Variants in EXOC4 observed in about 807,000 individuals in gnomAD.
EXOC4 encodes the protein SEC8-like 1.
A neutral mutation model predicts 107.2 loss-of-function variants in EXOC4; 71 were observed. The observed-to-expected ratio is 0.66, with a 90% confidence interval of 0.55 to 0.81. The LOEUF (loss-of-function observed/expected upper bound fraction) is 0.81. EXOC4 is among the 30% of genes least tolerant of loss of function. The pLI, the probability that EXOC4 is intolerant of heterozygous loss-of-function variation, is 0.00. For missense variants in EXOC4, 1,108 were observed against 1,189.6 expected, an observed-to-expected ratio of 0.93 and a Z score of 1.01; for synonymous variants, 456 against 441.2, an observed-to-expected ratio of 1.03 and a Z score of -0.42.
intron 10 of EXOC4, among the ~76,000 whole-genome samples, chr7:133,811,800 T>C (rs1317496145): frequency 6.6e-6 from 1 of 152,230 alleles, no homozygotes; most frequent in Admixed American, 6.5e-5. Flanking sequence ...AAAAATTTTG[T>C]ATTGAAATCT....
At chr7:133,745,728 T>C (rs1425058957) in intron 10 of EXOC4, among the ~76,000 whole-genome samples, 46 of 150,744 alleles carry the variant, frequency 3.1e-4, no homozygotes, top group Non-Finnish European at 3.8e-4. Context: ...TTTTTTTTTT[T>C]TCCTGTTTGG....
chr7:133,517,938 T>G (rs947454217), intron 9 of EXOC4, among the ~76,000 whole-genome samples: 1 of 152,088 alleles, frequency 6.6e-6, no homozygotes, highest in African/African-American at 2.4e-5. Flanking sequence ...CAAACATTTT[T>G]ATTGTTCATT....
chr7:133,879,135 G>A (rs762477050), intron 11 of EXOC4, among the ~76,000 whole-genome samples: 12 of 152,134 alleles, frequency 7.9e-5, no homozygotes, highest in Middle Eastern at 3.4e-3. Context: ...ACAGAGTGTC[G>A]CTCTGTCGCC....
chr7:133,342,894 G>T (rs569564450), intron 5 of EXOC4, among the ~76,000 whole-genome samples: 23 of 151,958 alleles, frequency 1.5e-4, no homozygotes, highest in African/African-American at 5.3e-4. Flanking sequence ...TTTATTTGTG[G>T]TATCTATTTC....
chr7:133,908,810 A>T (rs1278543691), intron 12 of EXOC4, among the ~76,000 whole-genome samples: 1 of 152,190 alleles, frequency 6.6e-6, no homozygotes, highest in Non-Finnish European at 1.5e-5. Context: ...TTGATATTCA[A>T]TAAGAAGACA....
Position 133,423,225 on chromosome 7 carries a change from C to CAAAAAAAAAAA in EXOC4, c.1182+48223_1182+48224insAAAAAAAAAAA, listed in dbSNP as rs1797642571. Among the ~76,000 whole-genome samples the CAAAAAAAAAAA allele has an allele frequency of 4.9e-4, 6 of 12,156 alleles. 2 individuals carry two copies. The highest frequency in any genetic ancestry group is 4.7e-3 in the African/African-American group (6 of 1,284). The allele number at this position is 12,156 out of a possible 152,430, so 8.0% of individuals were successfully genotyped here. Reference sequence around the variant, plus strand: ...TGGGCGACAGAGCGAGACTCCGTCTCCAAAAAAAAAAAAAAAAAAAAAAAA... The same window carrying CAAAAAAAAAAA: ...TGGGCGACAGAGCGAGACTCCGTCTCAAAAAAAAAAACAAAAAAAAAAAAAAAAAAAAAAAA... On this transcript the variant is annotated intron_variant, in intron 7 of 17. Transcript: ENST00000253861.
chr7:133,295,141 G>A (rs1794490328), intron 3 of EXOC4, among the ~76,000 whole-genome samples: 1 of 152,086 alleles, frequency 6.6e-6, no homozygotes, highest in Admixed American at 6.6e-5. Flanking sequence ...TGCCTTTGAG[G>A]TGGACTTCTT....
chr7:133,909,215 C>T (rs1448774183), intron 12 of EXOC4, among the ~76,000 whole-genome samples: 1 of 152,186 alleles, frequency 6.6e-6, no homozygotes, highest in South Asian at 2.1e-4. Flanking sequence ...TAGGAGCCAG[C>T]GTTATTCTAG....
chr7:133,553,671 G>C (rs1800634261), intron 9 of EXOC4, among the ~76,000 whole-genome samples: 1 of 151,956 alleles, frequency 6.6e-6, no homozygotes, highest in Non-Finnish European at 1.5e-5. Flanking sequence ...CTTTTGCCAG[G>C]CCTGATGTTT....
chr7:133,385,842 G>T (rs768278947), intron 7 of EXOC4, among the ~76,000 whole-genome samples: 1 of 152,108 alleles, frequency 6.6e-6, no homozygotes, highest in Admixed American at 6.5e-5. Context: ...TTGAGAATCC[G>T]TGATAACTTT....
intron 12 of EXOC4, among the ~76,000 whole-genome samples, chr7:133,910,786 T>G (rs1257507306): frequency 1.3e-5 from 2 of 152,210 alleles, no homozygotes; most frequent in African/African-American, 4.8e-5. Context: ...TTTGTTGAGC[T>G]TGGCTCCTAG....
intron 7 of EXOC4, among the ~76,000 whole-genome samples, chr7:133,380,559 T>C (rs554817795): frequency 6.6e-6 from 1 of 152,216 alleles, no homozygotes; most frequent in African/African-American, 2.4e-5. Flanking sequence ...TAGGTACTGA[T>C]CTACTTTTTG....
rs370376589 is a variant in EXOC4 at position 133,938,470 on chromosome 7, C to T, written c.2206+401C>T. Among the ~76,000 whole-genome samples the T allele has an allele frequency of 4.6e-5, 7 of 152,188 alleles. No individual in the cohort carries two copies. In the East Asian group the frequency reaches 1.2e-3, roughly 25 times the overall value. ...ATGCACAGCTGACATTCTCATTTTA[C>T]TTGACATAAAGCTAATCTTTTTATT... On this transcript the variant is annotated intron_variant, in intron 14 of 17. Coordinates refer to ENST00000253861, the MANE Select transcript of EXOC4 (RefSeq NM_021807.4).
At chr7:133,858,237 G>A (rs1395092552) in intron 11 of EXOC4, among the ~76,000 whole-genome samples, 1 of 152,188 alleles carries the variant, frequency 6.6e-6, no homozygotes, top group Non-Finnish European at 1.5e-5. Context: ...AGCAAGGCAG[G>A]GAAGAGTTTT....
At chr7:133,818,669 G>A (rs141140581) in intron 11 of EXOC4, among the ~76,000 whole-genome samples, 7 of 152,290 alleles carry the variant, frequency 4.6e-5, no homozygotes, top group South Asian at 2.1e-4. Context: ...CCAAAGGAAC[G>A]TGCTTGCTCT....
At chr7:134,034,518 G>A (rs200729587) in intron 17 of EXOC4, among the ~76,000 whole-genome samples, 5 of 152,156 alleles carry the variant, frequency 3.3e-5, no homozygotes, top group East Asian at 1.9e-4. Flanking sequence ...TGTTTTTCTC[G>A]TGATAGTGAG....
intron 14 of EXOC4, among the ~76,000 whole-genome samples, chr7:133,965,737 A>G (rs1445032533): frequency 2.0e-5 from 3 of 152,108 alleles, no homozygotes; most frequent in Non-Finnish European, 2.9e-5. Context: ...GCCTTGTAGT[A>G]TAGTTTGAAG....
intron 7 of EXOC4, among the ~76,000 whole-genome samples, chr7:133,375,804 A>G (rs1208044818): frequency 6.6e-6 from 1 of 152,152 alleles, no homozygotes. Flanking sequence ...TAGAGGAATA[A>G]TATTATTCTT....
intron 3 of EXOC4, among the ~76,000 whole-genome samples, chr7:133,303,185 A>G (rs1276753627): frequency 2.6e-5 from 4 of 152,234 alleles, no homozygotes; most frequent in African/African-American, 9.6e-5. Context: ...CTGTAATCCC[A>G]GCACTTTGAG....
Sources: gnomAD v4.1 joint callset for allele counts (sites outside exome capture counted in the v4.1 genomes callset) on GRCh38, gnomAD v4.1.1 for gene constraint, MANE v1.5 for transcripts, NCBI Gene and HGNC (gene_info 2026-07-23, HGNC 2026-07-21) for gene names.